The following PPIP5K1 variants were observed in gnomAD, a reference collection of about 807,000 sequenced individuals.
PPIP5K1 encodes the protein inositol hexakisphosphate and diphosphoinositol-pentakisphosphate kinase 1.
A neutral mutation model predicts 27.7 loss-of-function variants in PPIP5K1; 6 were observed. That is an observed-to-expected ratio of 0.22 (90% CI 0.12 to 0.43). The LOEUF is 0.43. Among genes scored for constraint, PPIP5K1 ranks in the 20% least tolerant of loss-of-function variants. PPIP5K1 has a pLI of 1.00. For synonymous variants in PPIP5K1, 145 were observed against 242.6 expected, an observed-to-expected ratio of 0.60 and a Z score of 3.74; for missense variants, 394 against 635.4, an observed-to-expected ratio of 0.62 and a Z score of 4.08.
chr15:43,579,802 A>T (rs1595919252), intron 10 of PPIP5K1, among the ~76,000 whole-genome samples: 1 of 8,358 alleles, frequency 1.2e-4, no homozygotes, highest in Non-Finnish European at 1.7e-4. Flanking sequence ...AGCTGAGATT[A>T]TAGGGAACCA....
chr15:43,539,074 GGT>G (rs2080309438), intron 31 of PPIP5K1, among the ~76,000 whole-genome samples: 1 of 152,046 alleles, frequency 6.6e-6, no homozygotes, highest in Non-Finnish European at 1.5e-5. Flanking sequence ...AGCTGGGCGT[GGT>G]GGTGCATGCC....
rs558818132 is a variant in PPIP5K1, at chr15:43,551,321, T to C, written c.3556+7474A>G. Among the ~76,000 whole-genome samples, 10 of 151,950 alleles carry C rather than the reference T, an allele frequency of 6.6e-5. No individual in the cohort carries two copies. In the East Asian group the frequency reaches 1.8e-3, roughly 27 times the overall value. Reference sequence around the variant, plus strand: ...TCACTTGAGGCCAGGAGTTCAAGACTAGCCTGGCCAACACGGCGAAACCCC... The same window carrying C: ...TCACTTGAGGCCAGGAGTTCAAGACCAGCCTGGCCAACACGGCGAAACCCC... On this transcript the variant is annotated intron_variant, in intron 30 of 31. Coordinates refer to ENST00000420765, the MANE Select transcript of PPIP5K1 (RefSeq NM_001394395.1).
intron 30 of PPIP5K1, among the ~76,000 whole-genome samples, chr15:43,557,830 T>A (rs868099384): frequency 7.7e-6 from 1 of 129,294 alleles, no homozygotes; most frequent in East Asian, 2.3e-4. Flanking sequence ...ATGCATAGCC[T>A]TTTTTTTTTT....
chr15:43,553,869 T>A (rs1449063403), intron 30 of PPIP5K1, among the ~76,000 whole-genome samples: 6 of 152,006 alleles, frequency 3.9e-5, no homozygotes, highest in Admixed American at 3.9e-4. Context: ...ATGGTCTCAA[T>A]CTCCTGACCT....
At chr15:43,557,048 C>T (rs527694979) in intron 30 of PPIP5K1, among the ~76,000 whole-genome samples, 15 of 152,248 alleles carry the variant, frequency 9.9e-5, no homozygotes, top group Admixed American at 2.6e-4. Context: ...TTAATTTTTA[C>T]GTTTAGATTT....
At chr15:43,535,544 T>C (rs2079728318) in intron 31 of PPIP5K1, 68 bp from the exon 32 acceptor site, 6 of 1,275,858 alleles carry the variant, frequency 4.7e-6, no homozygotes, top group Non-Finnish European at 6.5e-6. Flanking sequence ...GTGCAGATAG[T>C]TCAAATGCTA....
At chr15:43,551,742 AC>A (rs2082229296) in intron 30 of PPIP5K1, among the ~76,000 whole-genome samples, 1 of 147,146 alleles carries the variant, frequency 6.8e-6, no homozygotes, top group Admixed American at 6.7e-5. Flanking sequence ...AGCTGGGACT[AC>A]AGGCGCCCGC....
intron 10 of PPIP5K1, among the ~76,000 whole-genome samples, chr15:43,580,361 C>T (rs2084905467): frequency 1.5e-5 from 1 of 68,160 alleles, no homozygotes; most frequent in Non-Finnish European, 2.4e-5. Context: ...TCATATATTT[C>T]TGAATGGTTT....
intron 30 of PPIP5K1, among the ~76,000 whole-genome samples, chr15:43,556,792 T>C (rs1408930156): frequency 6.6e-6 from 1 of 152,192 alleles, no homozygotes; most frequent in Non-Finnish European, 1.5e-5. Context: ...ATTGAGAACG[T>C]GGGCTGTCAT....
rs151117168 is a variant in PPIP5K1, at chr15:43,534,780, G to A, written c.4367C>T (p.Ala1456Val). The A allele has an allele frequency of 3.2e-5, 50 of 1,583,498 alleles. No individual in the cohort carries two copies. The highest frequency in any genetic ancestry group is 3.4e-4 in the Middle Eastern group (2 of 5,880). ...EVGRLAQETS[A>V]INLLSQGIPE... ...GATGCCCTGAGATAACAGATTGATC[G>A]CAGAAGTCTCCTGGGCCAGCCTGCC... Residue 1456 changes from alanine to valine, a missense_variant, in exon 32 of 32, where the codon GCG becomes GTG. Physicochemically the swap from Ala to Val is moderately conservative, Grantham distance 64. Around this residue, in one of 4 missense-constraint regions of PPIP5K1, gnomAD observed 379 missense variants for 423.9 expected, o/e 0.89. Transcript: ENST00000420765.
Position 43,535,325 on chromosome 15 carries a change from G to A in PPIP5K1, c.3822C>T (p.Thr1274=), listed in dbSNP as rs1428876578. ...AGAGCTCTTGTGCTCCACTCCCAGG[G>A]GTCTCCTGGAGCAGCCCAAGGCCTT... ...EHQGLGLLQE[T]PGSGAQELSI... is the part of the protein sequence containing the mutation. Residue 1274 remains threonine, a synonymous_variant, in exon 32 of 32, where the codon ACC becomes ACT. Transcript: ENST00000420765. 3 of 1,614,126 alleles carry A rather than the reference G, an allele frequency of 1.9e-6. No homozygotes were observed. The African/African-American group carries it at 4.0e-5, about 22-fold the overall frequency.
intron 30 of PPIP5K1, among the ~76,000 whole-genome samples, chr15:43,553,390 A>T (rs1179729649): frequency 1.3e-5 from 2 of 151,340 alleles, no homozygotes; most frequent in Non-Finnish European, 2.9e-5. Context: ...CCCAGGCTGG[A>T]GTACAGTGGC....
At chr15:43,540,448 C>T (rs1470849004) in intron 30 of PPIP5K1, among the ~76,000 whole-genome samples, 1 of 151,802 alleles carries the variant, frequency 6.6e-6, no homozygotes, top group African/African-American at 2.4e-5. Flanking sequence ...TCTGTAATCC[C>T]AGCACTTTAG....
rs1175554025 is a variant in PPIP5K1 at position 43,548,959 on chromosome 15, C to A, written c.3557-9376G>T. Among the ~76,000 whole-genome samples, 6 of 132,712 alleles carry A rather than the reference C, an allele frequency of 4.5e-5. No homozygotes were observed. The East Asian group carries it at 1.2e-3, about 27-fold the overall frequency. 87.1% of individuals were successfully genotyped at this position (132,712 alleles called of 152,430 possible). The stretch of plus-strand genomic sequence containing the variant: ...AGGAGAATCGCTTGAACCTGGAAGG[C>A]GGAGGTTCCAGTGAGTGGACATTGC... On this transcript the variant is annotated intron_variant, in intron 30 of 31. Transcript: ENST00000420765.
intron 31 of PPIP5K1, among the ~76,000 whole-genome samples, chr15:43,539,265 T>C (rs554810656): frequency 1.3e-5 from 2 of 151,492 alleles, no homozygotes; most frequent in East Asian, 1.9e-4. Context: ...AGAAGGAACA[T>C]GGAGAACAGA....
chr15:43,539,583 G>C lies in PPIP5K1; in HGVS notation c.3557C>G (p.Ala1186Gly), dbSNP rs748758192. 50 of 1,571,028 alleles carry C rather than the reference G, an allele frequency of 3.2e-5. No individual in the cohort carries two copies. The highest frequency in any genetic ancestry group is 4.1e-5 in the Non-Finnish European group (47 of 1,144,710). Residue 1186 changes from alanine (A) to glycine (G), a missense_variant and splice_region_variant, in exon 31 of 32, where the codon GCC becomes GGC. By Grantham distance (60) the Ala-to-Gly change is moderately conservative. Coordinates refer to ENST00000420765, the MANE Select transcript of PPIP5K1 (RefSeq NM_001394395.1). ...HTDAQAQASA[A>G]LFDSMHSSQA... ...GCTGCTGTGCATGGAATCAAAGAGG[G>C]CTGGAAAGGAGGTAGGGTGAAGGGA...
intron 29 of PPIP5K1, among the ~76,000 whole-genome samples, chr15:43,559,635 G>T (rs544327284): frequency 1.3e-5 from 2 of 152,100 alleles, no homozygotes; most frequent in South Asian, 4.2e-4. Flanking sequence ...GAAAAATGAG[G>T]CAAATGCCCT....
chr15:43,579,829 A>AT (rs1411315274), intron 10 of PPIP5K1, among the ~76,000 whole-genome samples: 2 of 6,778 alleles, frequency 3.0e-4, no homozygotes, highest in Non-Finnish European at 4.3e-4. Context: ...CGGCTGACTA[A>AT]TTTTTTTTTT....
intron 30 of PPIP5K1, among the ~76,000 whole-genome samples, chr15:43,554,660 C>CAT (rs56332624): frequency 3.3e-5 from 5 of 151,312 alleles, no homozygotes; most frequent in African/African-American, 1.2e-4. Context: ...CACACACACA[C>CAT]GCAGGCACGC....
Sources: allele counts gnomAD v4.1 joint callset (sites outside exome capture counted in the v4.1 genomes callset), GRCh38; gene constraint gnomAD v4.1.1; regional missense constraint gnomAD v4.1.1; transcripts MANE v1.5; gene names NCBI Gene and HGNC (gene_info 2026-07-23, HGNC 2026-07-21).